Variants in LRRC4C observed in about 807,000 individuals in gnomAD.
The protein encoded by LRRC4C is leucine-rich repeat-containing protein 4C.
A neutral mutation model predicts 33.6 loss-of-function variants in LRRC4C; 5 were observed. That is an observed-to-expected ratio of 0.15 (90% CI 0.08 to 0.31). The LOEUF is 0.31. Among genes scored for constraint, LRRC4C ranks in the 10% least tolerant of loss-of-function variants. The pLI, the probability that LRRC4C is intolerant of heterozygous loss-of-function variation, is 1.00. For missense variants in LRRC4C, 560 were observed against 796.7 expected (o/e 0.70, Z 3.58); for synonymous variants, 329 against 302.0 (o/e 1.09, Z -0.93).
At chr11:41,050,838 C>T (rs567589573) in intron 1 of LRRC4C, among the ~76,000 whole-genome samples, 4 of 152,076 alleles carry the variant, frequency 2.6e-5, no homozygotes, top group African/African-American at 9.7e-5. Flanking sequence ...TGAGGAATTG[C>T]CACACTGTCT....
chr11:40,229,410 T>G (rs946904335), intron 5 of LRRC4C, among the ~76,000 whole-genome samples: 35 of 152,184 alleles, frequency 2.3e-4, no homozygotes, highest in Middle Eastern at 3.4e-3. Context: ...GTAGCTGGGA[T>G]TACAGGTGCA....
chr11:40,924,462 TA>T (rs1957332327), intron 2 of LRRC4C, among the ~76,000 whole-genome samples: 1 of 151,516 alleles, frequency 6.6e-6, no homozygotes. Context: ...GGCAACAACA[TA>T]AAGAATCTAC....
rs1233041714 is a variant in LRRC4C at position 40,487,454 on chromosome 11, G to A, written c.-270+160688C>T. Among the ~76,000 whole-genome samples the A allele has an allele frequency of 2.6e-5, 4 of 152,036 alleles. No homozygotes were observed. In the East Asian group the frequency reaches 5.8e-4, roughly 22 times the overall value. On this transcript the variant is annotated intron_variant, in intron 3 of 6. Coordinates refer to ENST00000528697, the MANE Select transcript of LRRC4C (RefSeq NM_001258419.2). ...GACTTTGTATGGCACAAAGGACTATGCAAATGTGATTGAATCAATACTTTT... is the reference window on the plus strand; with the variant it reads ...GACTTTGTATGGCACAAAGGACTATACAAATGTGATTGAATCAATACTTTT...
intron 4 of LRRC4C, among the ~76,000 whole-genome samples, chr11:40,277,325 T>C (rs1463667795): frequency 1.3e-5 from 2 of 152,132 alleles, no homozygotes. Context: ...AAAGGGTTGA[T>C]ATATTTAAAA....
chr11:41,346,728 T>C (rs569091689), intron 1 of LRRC4C, among the ~76,000 whole-genome samples: 16 of 152,352 alleles, frequency 1.1e-4, no homozygotes, highest in Admixed American at 2.6e-4. Flanking sequence ...AGTTCCGCAT[T>C]ATTGAGTGCT....
chr11:40,370,077 T>C (rs1948384543), intron 3 of LRRC4C, among the ~76,000 whole-genome samples: 1 of 152,200 alleles, frequency 6.6e-6, no homozygotes, highest in Non-Finnish European at 1.5e-5. Context: ...GAGGATGTTA[T>C]AAAAGTGATT....
At chr11:41,374,144 T>A (rs1952855287) in intron 1 of LRRC4C, among the ~76,000 whole-genome samples, 1 of 152,172 alleles carries the variant, frequency 6.6e-6, no homozygotes, top group Non-Finnish European at 1.5e-5. Context: ...GAACCATCTG[T>A]CTGAACTTCC....
intron 2 of LRRC4C, among the ~76,000 whole-genome samples, chr11:40,780,987 A>C (rs1950190440): frequency 6.6e-6 from 1 of 152,160 alleles, no homozygotes; most frequent in South Asian, 2.1e-4. Context: ...GATATGTTCT[A>C]AGAAATTGGG....
intron 3 of LRRC4C, among the ~76,000 whole-genome samples, chr11:40,345,202 A>C (rs1332653715): frequency 6.6e-6 from 1 of 152,188 alleles, no homozygotes; most frequent in Non-Finnish European, 1.5e-5. Context: ...ATACTATTCT[A>C]AAATTCATAT....
Position 40,263,958 on chromosome 11 carries a change from G to A in LRRC4C, c.-175-22360C>T, listed in dbSNP as rs563826229. 4.6e-4 allele frequency among the ~76,000 whole-genome samples: 70 copies of A among 152,230 alleles called. 2 individuals carry two copies. In the South Asian group the frequency reaches 6.4e-3, roughly 14 times the overall value. ...TTTACATAGAAGTTTATCCTTCCGCGCCCAGTCCTCCTAAGAAAGCATGGC... is the reference window on the plus strand; with the variant it reads ...TTTACATAGAAGTTTATCCTTCCGCACCCAGTCCTCCTAAGAAAGCATGGC... On this transcript the variant is annotated intron_variant, in intron 4 of 6. Coordinates refer to ENST00000528697, the MANE Select transcript of LRRC4C (RefSeq NM_001258419.2).
chr11:40,602,045 T>C (rs1429764334), intron 3 of LRRC4C, among the ~76,000 whole-genome samples: 2 of 139,090 alleles, frequency 1.4e-5, no homozygotes, highest in East Asian at 4.1e-4. Flanking sequence ...AAAAAAAAAA[T>C]TTAGCTGGGT....
At chr11:40,247,655 G>GT (rs112867742) in intron 4 of LRRC4C, among the ~76,000 whole-genome samples, 113,810 of 151,738 alleles carry the variant, frequency 0.75, 46,381 homozygotes, top group East Asian at 0.95. Context: ...GTTACTCTCT[G>GT]CTTTTTGTGT....
chr11:40,617,568 C>G (rs1206355161), intron 3 of LRRC4C, among the ~76,000 whole-genome samples: 1 of 151,708 alleles, frequency 6.6e-6, no homozygotes, highest in African/African-American at 2.4e-5. Context: ...TCCCAAGTCT[C>G]TTCCCATAGG....
intron 1 of LRRC4C, among the ~76,000 whole-genome samples, chr11:41,443,089 A>C (rs1355042588): frequency 9.4e-6 from 1 of 105,994 alleles, no homozygotes; most frequent in African/African-American, 3.7e-5. Context: ...TGTTTGCTTC[A>C]TTTTTTTTTT....
intron 4 of LRRC4C, among the ~76,000 whole-genome samples, chr11:40,250,042 C>T (rs968797936): frequency 2.0e-5 from 3 of 152,140 alleles, no homozygotes; most frequent in African/African-American, 7.2e-5. Context: ...TAACTCTTTT[C>T]TTCATTGTTC....
chr11:40,867,943 T>G (rs1180591570), intron 2 of LRRC4C, among the ~76,000 whole-genome samples: 5 of 152,242 alleles, frequency 3.3e-5, no homozygotes, highest in East Asian at 1.9e-4. Flanking sequence ...CTCCAGAATT[T>G]TGCATGTTTC....
intron 3 of LRRC4C, among the ~76,000 whole-genome samples, chr11:40,633,857 A>G (rs567184596): frequency 2.6e-4 from 39 of 152,322 alleles, no homozygotes; most frequent in African/African-American, 9.1e-4. Context: ...TTATGTGAGT[A>G]TTTTGTAGGC....
intron 1 of LRRC4C, among the ~76,000 whole-genome samples, chr11:41,174,799 A>C (rs80119357): frequency 0.033 from 5,067 of 152,124 alleles, 122 homozygotes; most frequent in East Asian, 0.069. Flanking sequence ...AAAAAACAAA[A>C]TGTCTACCTA....
intron 1 of LRRC4C, among the ~76,000 whole-genome samples, chr11:41,281,488 G>T (rs1346043048): frequency 1.3e-5 from 2 of 152,150 alleles, no homozygotes; most frequent in East Asian, 1.9e-4. Context: ...GATACACTTG[G>T]CTTGTCACTG....
Sources: gnomAD v4.1 joint callset for allele counts (sites outside exome capture counted in the v4.1 genomes callset) on GRCh38, gnomAD v4.1.1 for gene constraint, MANE v1.5 for transcripts, NCBI Gene and HGNC (gene_info 2026-07-23, HGNC 2026-07-21) for gene names.